NDUFS4: variants seen among roughly 807,000 people sequenced by gnomAD.
The protein encoded by NDUFS4 is NADH dehydrogenase [ubiquinone] iron-sulfur protein 4, mitochondrial.
NDUFS4 carries 28 observed loss-of-function variants against 24.3 expected under a neutral mutation model. That is an observed-to-expected ratio of 1.15 (90% CI 0.85 to 1.58). NDUFS4 has a LOEUF of 1.58. Among genes scored for constraint, NDUFS4 ranks in the 40% most tolerant of loss-of-function variants. NDUFS4 has a pLI of 0.00. For missense variants in NDUFS4, 223 were observed against 207.9 expected, an observed-to-expected ratio of 1.07 and a Z score of -0.45; for synonymous variants, 93 against 69.7, an observed-to-expected ratio of 1.34 and a Z score of -1.67.
chr5:53,565,597 C>T (rs1748994560), intron 1 of NDUFS4, among the ~76,000 whole-genome samples: 1 of 152,158 alleles, frequency 6.6e-6, no homozygotes, highest in African/African-American at 2.4e-5. Flanking sequence ...CAGTGATAGC[C>T]AGGTAGGCAC....
At chr5:53,646,967 C>T (rs189812009) in intron 3 of NDUFS4, among the ~76,000 whole-genome samples, 2 of 152,008 alleles carry the variant, frequency 1.3e-5, no homozygotes, top group Admixed American at 1.3e-4. Context: ...CTTGTCCCCC[C>T]TCAGATAAGG....
intron 2 of NDUFS4, among the ~76,000 whole-genome samples, chr5:53,642,070 T>G (rs1751720951): frequency 1.3e-5 from 2 of 152,120 alleles, no homozygotes; most frequent in South Asian, 4.1e-4. Flanking sequence ...TACTGAGAGA[T>G]CTAGCAAAAA....
chr5:53,614,741 G>C (rs1360391674), intron 2 of NDUFS4, among the ~76,000 whole-genome samples: 1 of 151,844 alleles, frequency 6.6e-6, no homozygotes, highest in East Asian at 1.9e-4. Context: ...TTCTTTTCTT[G>C]CTTTACTACC....
chr5:53,568,017 A>G (rs1297923886), intron 1 of NDUFS4, among the ~76,000 whole-genome samples: 3 of 152,176 alleles, frequency 2.0e-5, no homozygotes, highest in Non-Finnish European at 4.4e-5. Context: ...AAACATATGA[A>G]TAATTTAATA....
Position 53,572,968 on chromosome 5 carries a change from TTG to T in NDUFS4, c.98+12210_98+12211del, listed in dbSNP as rs1324030755. On this transcript the variant is annotated intron_variant, in intron 1 of 4. Transcript: ENST00000296684. Reference sequence around the variant, plus strand: ...CTTTGTTGTTTTTTGTTTTTTTTTTTTGTTTTTTTTTTTTTTTAAGAGACCAG... The same window carrying T: ...CTTTGTTGTTTTTTGTTTTTTTTTTTTTTTTTTTTTTTTTTAAGAGACCAG... Among the ~76,000 whole-genome samples, 137 of 98,484 alleles carry T rather than the reference TTG, an allele frequency of 1.4e-3. 10 individuals carry two copies. Among genetic ancestry groups the T allele is most frequent in the South Asian group, 3.5e-3 (10 of 2,886 alleles). The allele number at this position is 98,484 out of a possible 152,430, so 64.6% of individuals were successfully genotyped here.
At chr5:53,597,440 A>G (rs1465645410) in intron 1 of NDUFS4, among the ~76,000 whole-genome samples, 1 of 152,184 alleles carries the variant, frequency 6.6e-6, no homozygotes, top group East Asian at 1.9e-4. Context: ...TTGGAGTCAC[A>G]GTTTCAAACT....
At chr5:53,615,652 AT>A (rs546392700) in intron 2 of NDUFS4, among the ~76,000 whole-genome samples, 247 of 152,196 alleles carry the variant, frequency 1.6e-3, no homozygotes, top group African/African-American at 5.4e-3. Flanking sequence ...TTTTCTAGAA[AT>A]GTGTGAATAG....
chr5:53,612,127 T>C (rs1750715649), intron 2 of NDUFS4, among the ~76,000 whole-genome samples: 1 of 152,082 alleles, frequency 6.6e-6, no homozygotes, highest in Non-Finnish European at 1.5e-5. Flanking sequence ...AAATAAGCTT[T>C]AATAGTTTAG....
intron 4 of NDUFS4, among the ~76,000 whole-genome samples, chr5:53,681,353 C>T (rs530239646): frequency 7.2e-5 from 11 of 152,204 alleles, no homozygotes; most frequent in African/African-American, 2.4e-4. Context: ...AGGAAAAGTT[C>T]TTTCTCATAG....
intron 1 of NDUFS4, among the ~76,000 whole-genome samples, chr5:53,574,016 A>G (rs1271998210): frequency 2.6e-5 from 4 of 152,192 alleles, no homozygotes; most frequent in Admixed American, 2.6e-4. Context: ...TTTTTTGTAG[A>G]TTCTTTGGGC....
intron 2 of NDUFS4, among the ~76,000 whole-genome samples, chr5:53,610,340 G>A (rs1750656153): frequency 6.6e-6 from 1 of 152,088 alleles, no homozygotes; most frequent in African/African-American, 2.4e-5. Context: ...ATCTAATATG[G>A]ACGCAGTTTG....
chr5:53,599,105 A>T (rs1480352682), intron 1 of NDUFS4, among the ~76,000 whole-genome samples: 1 of 152,198 alleles, frequency 6.6e-6, no homozygotes, highest in Admixed American at 6.5e-5. Context: ...CACATTAGTC[A>T]TTGTTTCTAC....
At chr5:53,594,126 T>C (rs1298684973) in intron 1 of NDUFS4, among the ~76,000 whole-genome samples, 1 of 152,146 alleles carries the variant, frequency 6.6e-6, no homozygotes, top group Non-Finnish European at 1.5e-5. Flanking sequence ...CTCTGTCAAT[T>C]ACTATTCGAA....
chr5:53,609,133 C>T (rs559080618), intron 2 of NDUFS4, among the ~76,000 whole-genome samples: 1 of 152,280 alleles, frequency 6.6e-6, no homozygotes, highest in East Asian at 1.9e-4. Context: ...CACAAATGTT[C>T]TTAGTGGCAT....
chr5:53,624,255 T>C (rs2112481615), intron 2 of NDUFS4, among the ~76,000 whole-genome samples: 1 of 152,338 alleles, frequency 6.6e-6, no homozygotes, highest in East Asian at 1.9e-4. Flanking sequence ...ATTGTAGCTT[T>C]GTAGTAAGTT....
chr5:53,644,415 C>T (rs1420080621), intron 2 of NDUFS4, among the ~76,000 whole-genome samples: 2 of 151,970 alleles, frequency 1.3e-5, no homozygotes, highest in African/African-American at 4.8e-5. Context: ...GGAAACGAGA[C>T]AGATTAATCT....
chr5:53,605,918 G>T (rs1364859999), intron 2 of NDUFS4, among the ~76,000 whole-genome samples: 2 of 151,866 alleles, frequency 1.3e-5, no homozygotes, highest in African/African-American at 4.8e-5. Context: ...GGAGGCTGAG[G>T]CAGGAGAATG....
intron 3 of NDUFS4, among the ~76,000 whole-genome samples, chr5:53,656,874 G>C (rs1017271196): frequency 6.6e-6 from 1 of 152,194 alleles, no homozygotes; most frequent in East Asian, 1.9e-4. Flanking sequence ...GCTTAAACTG[G>C]TGGTGACAGC....
intron 4 of NDUFS4, among the ~76,000 whole-genome samples, chr5:53,665,819 C>T (rs1380311537): frequency 1.3e-5 from 2 of 152,202 alleles, no homozygotes; most frequent in Admixed American, 6.5e-5. Context: ...ACTCGGTGTG[C>T]TCCACCCACT....
Sources: allele counts gnomAD v4.1 joint callset (sites outside exome capture counted in the v4.1 genomes callset), GRCh38; gene constraint gnomAD v4.1.1; transcripts MANE v1.5; gene names NCBI Gene and HGNC (gene_info 2026-07-23, HGNC 2026-07-21).